The following LARS1 variants were observed in gnomAD, a reference collection of about 807,000 sequenced individuals.
LARS1 encodes the protein leucine--tRNA ligase, cytoplasmic.
In LARS1, 100 loss-of-function variants were observed where a neutral mutation model predicts 162.8. That is an observed-to-expected ratio of 0.61 (90% CI 0.52 to 0.73). The LOEUF (loss-of-function observed/expected upper bound fraction) is 0.73. Ranked by LOEUF, LARS1 falls within the 30% of genes least tolerant of loss-of-function variation. The probability of loss-of-function intolerance (pLI) is 0.00; values close to 1 mark genes in which losing one functional copy is unlikely to be tolerated. For synonymous variants in LARS1, 457 were observed against 462.8 expected, an observed-to-expected ratio of 0.99 and a Z score of 0.16; for missense variants, 1,258 against 1,408.9, an observed-to-expected ratio of 0.89 and a Z score of 1.71.
intron 14 of LARS1, 81 bp from the exon 15 acceptor site, chr5:146,149,780 TAAATTTGCTTCTGCCCACCG>T: frequency 1.0e-6 from 1 of 990,040 alleles, no homozygotes; most frequent in Non-Finnish European, 1.6e-6. Flanking sequence ...TTTCCCTAAC[TAAATTTGCTTCTGCCCACCG>T]AAATATTTTT....
intron 10 of LARS1, among the ~76,000 whole-genome samples, chr5:146,155,165 T>G (rs964185749): frequency 5.9e-5 from 9 of 152,168 alleles, no homozygotes; most frequent in East Asian, 1.9e-4. Context: ...AAAAATAATT[T>G]TTAATAATTA....
rs147562700 is a variant in LARS1 at position 146,145,888 on chromosome 5, T to G, written c.1504-1179A>C. ...TCAAAATGAATGAGAAGAAAAAATA[T>G]TAACTGAATTTTGAAAACAAAAAAG... On this transcript the variant is annotated intron_variant, in intron 15 of 31. Coordinates refer to ENST00000394434, the MANE Select transcript of LARS1 (RefSeq NM_020117.11). Among the ~76,000 whole-genome samples the G allele has an allele frequency of 1.1e-3, 174 of 152,290 alleles. 1 individual carries two copies. In the East Asian group the frequency reaches 0.028, roughly 24 times the overall value.
rs3995492 is a variant in LARS1 at position 146,150,942 on chromosome 5, GACACACACACAC to G, written c.1425+908_1425+919del. Among the ~76,000 whole-genome samples, 27 of 134,902 alleles carry G rather than the reference GACACACACACAC, an allele frequency of 2.0e-4. No individual in the cohort carries two copies. In the South Asian group the frequency reaches 2.8e-3, roughly 14 times the overall value. 88.5% of individuals were successfully genotyped at this position (134,902 alleles called of 152,430 possible). A position where few individuals can be genotyped will look rare whatever the true frequency, so the allele number is the denominator to read the frequency against. On this transcript the variant is annotated intron_variant, in intron 14 of 31. Coordinates refer to ENST00000394434, the MANE Select transcript of LARS1 (RefSeq NM_020117.11). ...AGACAGAGCAAGACTCCGTCAGATA[GACACACACACAC>G]ACACACACACACACACACACACACA... is the stretch of plus-strand genomic sequence containing the variant.
intron 1 of LARS1, 154 bp downstream of exon 1, chr5:146,182,334 T>C (rs1192364070): frequency 1.9e-5 from 17 of 888,270 alleles, no homozygotes; most frequent in Middle Eastern, 2.2e-4. Context: ...GTTCATAAAC[T>C]AGCAAGAAAA....
Position 146,149,683 on chromosome 5 carries a change from C to A in LARS1, c.1442G>T (p.Gly481Val), listed in dbSNP as rs192961740. Residue 481 changes from glycine (G) to valine (V), a missense_variant, in exon 15 of 32, where the codon GGA becomes GTA. Transcript: ENST00000394434. ...ATCTTGAACCTTCTGTCCTTTAAAT[C>A]CATCCACCAACATGATCTAAAAGGA... ...GFYEGIMLVDGFKGQKVQDVK... is the reference protein window; with the variant it reads ...GFYEGIMLVDVFKGQKVQDVK... 1.2e-6 allele frequency: 2 copies of A among 1,611,300 alleles called. No homozygotes were observed. Among genetic ancestry groups the A allele is most frequent in the Admixed American group, 3.3e-5 (2 of 60,002 alleles).
At position 146,161,372 on chromosome 5, in the gene LARS1, A is replaced by T. The variant is rs1018980377; in HGVS notation, c.595-886T>A. On this transcript the variant is annotated intron_variant, in intron 6 of 31. Coordinates refer to ENST00000394434, the MANE Select transcript of LARS1 (RefSeq NM_020117.11). ...GCCACATCCATTGACTCTTCCTTTC[A>T]CAAAGATTTCTCTGTAGCATGCGAT... 9.2e-5 allele frequency among the ~76,000 whole-genome samples: 14 copies of T among 152,272 alleles called. No homozygotes were observed. The South Asian group carries it at 1.0e-3, about 11-fold the overall frequency.
rs1361898382 is a variant in LARS1, at chr5:146,122,675, A to G, written c.3097-88T>C. 10 of 621,340 alleles carry G rather than the reference A, an allele frequency of 1.6e-5. No homozygotes were observed. The African/African-American group carries it at 1.7e-4, about 10-fold the overall frequency. 38.5% of individuals were successfully genotyped at this position (621,340 alleles called of 1,614,324 possible). ...ACCTCATTTCACCAAGAACAAAACT[A>G]GGTTCTCCAGTTAACATGAAATGGT... On this transcript the variant is annotated intron_variant, in intron 29 of 31. Transcript: ENST00000394434.
At position 146,130,008 on chromosome 5, in the gene LARS1, A is replaced by G. The variant is rs1417475153; in HGVS notation, c.2628+10T>C. The G allele has an allele frequency of 1.9e-6, 3 of 1,598,012 alleles. No individual in the cohort carries two copies. The highest frequency in any genetic ancestry group is 1.8e-5 in the Admixed American group (1 of 54,602). On this transcript the variant is annotated intron_variant, in intron 25 of 31. Transcript: ENST00000394434. The stretch of plus-strand genomic sequence containing the variant: ...AAACCACTCGAAACATTTTAAATGC[A>G]TGAAGGTACCTTTCCCAGGAGTGTC...
chr5:146,176,502 C>CATG (rs1374104836), intron 2 of LARS1, among the ~76,000 whole-genome samples: 1 of 148,202 alleles, frequency 6.7e-6, no homozygotes, highest in Non-Finnish European at 1.5e-5. Flanking sequence ...TGAGAGTATA[C>CATG]ATGTAAAAAA....
intron 29 of LARS1, among the ~76,000 whole-genome samples, chr5:146,122,853 C>G (rs1429254675): frequency 6.6e-6 from 1 of 151,874 alleles, no homozygotes; most frequent in African/African-American, 2.4e-5. Context: ...CCATATAAAA[C>G]AAAATGAAAA....
chr5:146,141,990 G>A (rs768037645), intron 20 of LARS1, among the ~76,000 whole-genome samples: 3 of 152,056 alleles, frequency 2.0e-5, no homozygotes, highest in Admixed American at 2.0e-4. Context: ...GTTAAACCCC[G>A]TCTCTACTAA....
intron 15 of LARS1, among the ~76,000 whole-genome samples, chr5:146,145,073 TTTTTG>T (rs1318959859): frequency 6.6e-6 from 1 of 152,122 alleles, no homozygotes; most frequent in Non-Finnish European, 1.5e-5. Flanking sequence ...TTTTATGTTT[TTTTTG>T]TTTTGTTTTT....
chr5:146,131,079 ATC>A lies in LARS1; in HGVS notation c.2425_2426del (p.Asp809SerfsTer4). 2 of 1,590,254 alleles carry A rather than the reference ATC, an allele frequency of 1.3e-6. No individual in the cohort carries two copies. Among genetic ancestry groups the A allele is most frequent in the Non-Finnish European group, 1.7e-6 (2 of 1,165,168 alleles). Reference protein sequence around the residue: ...SELNAGIIKTDQNYEKMMFKE... With the variant: ...SELNAGIIKTXQNYEKMMFKE... ...TAAACATCATCTTTTCATAGTTTTG[ATC>A]TGTTTTTATAATTCCTGCATTCAAT... On this transcript the variant is annotated frameshift_variant, in exon 24 of 32. Coordinates refer to ENST00000394434, the MANE Select transcript of LARS1 (RefSeq NM_020117.11). LOFTEE classifies it high-confidence loss of function.
intron 31 of LARS1, 194 bp downstream of exon 31, chr5:146,120,177 C>T: frequency 1.8e-6 from 1 of 561,888 alleles, no homozygotes; most frequent in East Asian, 3.3e-5. Context: ...GCTTAAGTGA[C>T]ATGGCAAAGC....
Position 146,135,629 on chromosome 5 carries a change from G to A in LARS1, c.2184C>T (p.Thr728=), listed in dbSNP as rs1020306494. ...CTGCTGAAAATTTGTCAATAGCTTG[G>A]GTCAAAGTGAGGAAGTTGCCTGTGG... ...SKSTGNFLTL[T]QAIDKFSADG... The change falls in exon 22 of 32, where the codon ACC becomes ACT. Residue 728 remains threonine (T), a synonymous_variant. Coordinates refer to ENST00000394434, the MANE Select transcript of LARS1 (RefSeq NM_020117.11). The A allele has an allele frequency of 1.6e-5, 25 of 1,602,284 alleles. No individual in the cohort carries two copies. Among genetic ancestry groups the A allele is most frequent in the Non-Finnish European group, 2.0e-5 (23 of 1,176,344 alleles).
intron 20 of LARS1, 113 bp downstream of exon 20, chr5:146,142,759 G>A (rs1282764957): frequency 3.8e-6 from 3 of 789,392 alleles, no homozygotes; most frequent in East Asian, 2.7e-5. Context: ...GAAAAAGAAT[G>A]TAACTGGCAA....
chr5:146,114,267 C>G lies in LARS1; in HGVS notation c.3370G>C (p.Gly1124Arg). The part of the protein sequence containing the change: ...KLMRFDDPLL[G>R]PRRVPVLGKE... ...CCCAGGACAGGAACTCGTCGAGGCC[C>G]CAACAGTGGATCATCAAATCTCATC... is the stretch of plus-strand genomic sequence containing the variant. The change falls in exon 32 of 32, where the codon GGG becomes CGG. Residue 1124 changes from glycine to arginine, a missense_variant. Transcript: ENST00000394434. The G allele has an allele frequency of 6.2e-7, 1 of 1,613,742 alleles. No homozygotes were observed. The highest frequency in any genetic ancestry group is 8.5e-7 in the Non-Finnish European group (1 of 1,179,944).
chr5:146,140,292 TA>T, intron 20 of LARS1, 31 bp from the exon 21 acceptor site: 1 of 1,563,400 alleles, frequency 6.4e-7, no homozygotes, highest in Non-Finnish European at 8.8e-7. Context: ...AGATAGAAAA[TA>T]AAAAAACAAA....
At chr5:146,161,822 G>C (rs1421049396) in intron 6 of LARS1, among the ~76,000 whole-genome samples, 1 of 151,356 alleles carries the variant, frequency 6.6e-6, no homozygotes, top group South Asian at 2.1e-4. Context: ...TAAAGTTTAT[G>C]TGATATTCAA....
Sources: gnomAD v4.1 joint callset for allele counts (sites outside exome capture counted in the v4.1 genomes callset) on GRCh38, gnomAD v4.1.1 for gene constraint, MANE v1.5 for transcripts, NCBI Gene and HGNC (gene_info 2026-07-23, HGNC 2026-07-21) for gene names.